Variants in CPZ observed in about 807,000 individuals in gnomAD.
The protein encoded by CPZ is VEZT/CPZ fusion.
CPZ carries 103 observed loss-of-function variants against 61.8 expected under a neutral mutation model. The ratio of observed to expected loss-of-function variants is 1.67; its 90% CI spans 1.42 to 1.96. The LOEUF (loss-of-function observed/expected upper bound fraction) is 1.96. CPZ is among the 30% of genes most tolerant of loss of function. The pLI, the probability that CPZ is intolerant of heterozygous loss-of-function variation, is 0.00. For missense variants in CPZ, 1,461 were observed against 914.9 expected, an observed-to-expected ratio of 1.60 and a Z score of -7.70; for synonymous variants, 551 against 373.7, an observed-to-expected ratio of 1.47 and a Z score of -5.47.
chr4:8,607,045 C>A, intron 6 of CPZ, 147 bp downstream of exon 6: 1 of 1,092,470 alleles, frequency 9.2e-7, no homozygotes, highest in Non-Finnish European at 1.3e-6. Flanking sequence ...GAAATGGGAA[C>A]ACCTCCTTGC....
chr4:8,604,987 T>C (rs1484755932), intron 4 of CPZ, among the ~76,000 whole-genome samples: 1 of 152,186 alleles, frequency 6.6e-6, no homozygotes, highest in East Asian at 1.9e-4. Flanking sequence ...CTATGTTCCC[T>C]CTCCAACTGT....
intron 1 of CPZ, among the ~76,000 whole-genome samples, chr4:8,594,652 C>G (rs892246496): frequency 9.8e-5 from 15 of 152,352 alleles, no homozygotes; most frequent in Non-Finnish European, 1.8e-4. Flanking sequence ...ATTTCAAAAG[C>G]CGCTTTCAGA....
chr4:8,598,920 C>G (rs1714370259), intron 1 of CPZ, among the ~76,000 whole-genome samples: 1 of 152,216 alleles, frequency 6.6e-6, no homozygotes, highest in Non-Finnish European at 1.5e-5. Flanking sequence ...AGAGGCCACA[C>G]CCTGGTGGTG....
At chr4:8,617,003 A>G (rs781702201) in intron 9 of CPZ, among the ~76,000 whole-genome samples, 1 of 152,120 alleles carries the variant, frequency 6.6e-6, no homozygotes, top group Non-Finnish European at 1.5e-5. Context: ...TGGCACAGAG[A>G]TAAGTGCTAG....
At chr4:8,618,638 G>T (rs1716417685) in intron 10 of CPZ, 110 bp downstream of exon 10, 1 of 1,025,540 alleles carries the variant, frequency 9.8e-7, no homozygotes, top group South Asian at 1.4e-5. Flanking sequence ...TCAGCAGGAT[G>T]GCTCCATTCC....
Position 8,618,533 on chromosome 4 carries a change from GCACGTCCCTGGCTGTCCCCTGGGGAC to G in CPZ, c.1603+12_1603+37del. 1 of 1,612,548 alleles carries G rather than the reference GCACGTCCCTGGCTGTCCCCTGGGGAC, an allele frequency of 6.2e-7. No homozygotes were observed. The highest frequency in any genetic ancestry group is 8.5e-7 in the Non-Finnish European group (1 of 1,179,716). ...TTCGCCACGACATCACCACAGGTGA[GCACGTCCCTGGCTGTCCCCTGGGGAC>G]CACGTCTGCCAAGGAAATGCCACAC... On this transcript the variant is annotated splice_donor_region_variant and intron_variant, in intron 10 of 10. Transcript: ENST00000360986.
rs372127536 is a variant in CPZ, at chr4:8,601,481, G to A, written c.480G>A (p.Pro160=). 18 of 1,486,632 alleles carry A rather than the reference G, an allele frequency of 1.2e-5. No individual in the cohort carries two copies. The highest frequency in any genetic ancestry group is 1.1e-4 in the African/African-American group (8 of 72,366). 92.1% of individuals were successfully genotyped at this position (1,486,632 alleles called of 1,614,324 possible). A position where few individuals can be genotyped will look rare whatever the true frequency, so the allele number is the denominator to read the frequency against. ...FTREDEGCYD[P]LEKLRGGLEA... The stretch of plus-strand genomic sequence containing the variant: ...GAGAGGACGAGGGCTGCTATGACCC[G>A]CTGGAGAAGCTTCGGGGTAAGGGAA... The change falls in exon 3 of 11, where the codon CCG becomes CCA. Residue 160 remains proline (P), a synonymous_variant. Coordinates refer to ENST00000360986, the MANE Select transcript of CPZ (RefSeq NM_001014447.3).
chr4:8,619,022 G>C (rs180858459), intron 10 of CPZ, among the ~76,000 whole-genome samples: 1 of 152,138 alleles, frequency 6.6e-6, no homozygotes, highest in Non-Finnish European at 1.5e-5. Flanking sequence ...TGGGTATGGG[G>C]GGTGGGAGTG....
At chr4:8,618,654 AGGCTGGCTGGGTCGGGGAGGGTG>A in intron 10 of CPZ, 126 bp downstream of exon 10, 1 of 864,834 alleles carries the variant, frequency 1.2e-6, no homozygotes, top group East Asian at 2.7e-5. Flanking sequence ...ATTCCTCCCC[AGGCTGGCTGGGTCGGGGAGGGTG>A]GGCAGGAACC....
At chr4:8,594,828 A>G (rs1714059146) in intron 1 of CPZ, among the ~76,000 whole-genome samples, 1 of 149,882 alleles carries the variant, frequency 6.7e-6, no homozygotes, top group Admixed American at 6.7e-5. Context: ...GCTGGAGTGC[A>G]GTTGCGCAAT....
At chr4:8,608,630 C>CACGTGTG in intron 7 of CPZ, among the ~76,000 whole-genome samples, 1 of 8,432 alleles carries the variant, frequency 1.2e-4, no homozygotes, top group East Asian at 3.8e-3. Context: ...TGCAGGAGGG[C>CACGTGTG]TGTGAGTGCA....
At chr4:8,605,625 T>TC (rs879783652) in intron 4 of CPZ, among the ~76,000 whole-genome samples, 1,330 of 108,782 alleles carry the variant, frequency 0.012, 21 homozygotes, top group African/African-American at 0.037. Context: ...CATCCATCCA[T>TC]CATTGATATA....
At chr4:8,612,379 G>C (rs562108815) in intron 8 of CPZ, among the ~76,000 whole-genome samples, 1 of 152,180 alleles carries the variant, frequency 6.6e-6, no homozygotes, top group African/African-American at 2.4e-5. Flanking sequence ...ACCCAGGCCC[G>C]TGGCTCCTGT....
chr4:8,593,513 G>C (rs565532712), intron 1 of CPZ, among the ~76,000 whole-genome samples: 1 of 152,340 alleles, frequency 6.6e-6, no homozygotes, highest in African/African-American at 2.4e-5. Context: ...GTGCAGCGGG[G>C]GTGGGGAGCA....
At chr4:8,605,355 C>A (rs1051972250) in intron 4 of CPZ, among the ~76,000 whole-genome samples, 4 of 113,648 alleles carry the variant, frequency 3.5e-5, no homozygotes, top group African/African-American at 1.3e-4. Context: ...TCCATTTATT[C>A]ATTCAGCCAT....
intron 9 of CPZ, among the ~76,000 whole-genome samples, chr4:8,617,125 T>C (rs966573084): frequency 6.6e-6 from 1 of 152,182 alleles, no homozygotes; most frequent in Non-Finnish European, 1.5e-5. Context: ...GGGTCTGAGC[T>C]CACGGGCCGC....
At chr4:8,595,621 C>T (rs972915686) in intron 1 of CPZ, among the ~76,000 whole-genome samples, 1 of 152,256 alleles carries the variant, frequency 6.6e-6, no homozygotes, top group African/African-American at 2.4e-5. Flanking sequence ...CCTCCCAGAC[C>T]ATCCTGACTC....
chr4:8,618,292 G>A (rs1212185285), intron 9 of CPZ, 137 bp from the exon 10 acceptor site: 4 of 710,716 alleles, frequency 5.6e-6, no homozygotes, highest in East Asian at 2.7e-5. Flanking sequence ...CAGAGCGAGG[G>A]CTGGCAGAGT....
intron 9 of CPZ, among the ~76,000 whole-genome samples, chr4:8,615,391 C>T (rs1716075759): frequency 6.6e-6 from 1 of 152,190 alleles, no homozygotes; most frequent in African/African-American, 2.4e-5. Flanking sequence ...GGAAGGCAGC[C>T]TGCGTTCGAA....
Sources: gnomAD v4.1 joint callset for allele counts (sites outside exome capture counted in the v4.1 genomes callset) on GRCh38, gnomAD v4.1.1 for gene constraint, MANE v1.5 for transcripts, NCBI Gene and HGNC (gene_info 2026-07-23, HGNC 2026-07-21) for gene names.